SNRPN: variants seen among roughly 807,000 people sequenced by gnomAD.
The protein encoded by SNRPN is small nuclear ribonucleoprotein-associated protein N.
SNRPN carries 7 observed loss-of-function variants against 25.2 expected under a neutral mutation model. The observed-to-expected ratio is 0.28, with a 90% CI of 0.16 to 0.52. SNRPN has a LOEUF of 0.52. SNRPN is among the 20% of genes least tolerant of loss of function. SNRPN has a pLI of 0.96. For missense variants in SNRPN, 196 were observed against 322.5 expected, an observed-to-expected ratio of 0.61 and a Z score of 3.00; for synonymous variants, 124 against 110.6, an observed-to-expected ratio of 1.12 and a Z score of -0.76.
chr15:24,885,947 T>C (rs2057169698), intron 1 of SNRPN, among the ~76,000 whole-genome samples: 1 of 152,204 alleles, frequency 6.6e-6, no homozygotes, highest in South Asian at 2.1e-4. Context: ...AATGTCCTCA[T>C]GGATCCAGCA....
At chr15:24,954,968 C>T (rs182426295), upstream of SNRPN, 1,114 of 1,596,040 alleles carry the variant, frequency 7.0e-4, 4 homozygotes, top group African/African-American at 0.014. Flanking sequence ...AAGCCTGCCG[C>T]TGCTGCAGCG....
chr15:24,922,890 CTTTTT>C (rs71412618), intron 3 of SNRPN, among the ~76,000 whole-genome samples: 2 of 68,170 alleles, frequency 2.9e-5, no homozygotes, highest in African/African-American at 6.1e-5. Context: ...TAGGCAGATC[CTTTTT>C]TTTTTTTTTT....
chr15:24,976,035 A>G (rs2077021314), intron 5 of SNRPN, among the ~76,000 whole-genome samples: 1 of 152,226 alleles, frequency 6.6e-6, no homozygotes, highest in Non-Finnish European at 1.5e-5. Flanking sequence ...TGTTTTTCTT[A>G]AAAGGTATTT....
Position 24,974,444 on chromosome 15 carries a change from A to C in SNRPN, c.-10A>C, listed in dbSNP as rs368498622. 3.7e-6 allele frequency: 6 copies of C among 1,613,576 alleles called. No individual in the cohort carries two copies. The African/African-American group carries it at 8.0e-5, about 22-fold the overall frequency. On this transcript the variant is annotated 5_prime_UTR_variant, in exon 4 of 10. Coordinates refer to ENST00000390687, the MANE Select transcript of SNRPN (RefSeq NM_003097.6). ...TAACTGTGGACATTGGATTTGGTGG[A>C]ACAGCAATCATGGTAAGCTGTATGA... is the stretch of plus-strand genomic sequence containing the variant.
At chr15:24,890,350 C>T (rs926314356) in intron 2 of SNRPN, among the ~76,000 whole-genome samples, 1 of 152,020 alleles carries the variant, frequency 6.6e-6, no homozygotes, top group Non-Finnish European at 1.5e-5. Flanking sequence ...CCCTTTGTTC[C>T]CCAAAGCTAT....
intron 3 of SNRPN, among the ~76,000 whole-genome samples, chr15:24,971,437 T>G (rs943830884): frequency 6.6e-6 from 1 of 152,196 alleles, no homozygotes; most frequent in Non-Finnish European, 1.5e-5. Context: ...AAATTCCAAA[T>G]CTGTCTCTTA....
intron 2 of SNRPN, among the ~76,000 whole-genome samples, chr15:24,918,356 TTATA>T (rs1309406103): frequency 1.2e-5 from 1 of 85,914 alleles, no homozygotes; most frequent in African/African-American, 4.8e-5. Context: ...ATATATAACA[TTATA>T]TATATGTGTA....
At chr15:24,878,011 A>C (rs1446558877) in intron 1 of SNRPN, among the ~76,000 whole-genome samples, 1 of 152,196 alleles carries the variant, frequency 6.6e-6, no homozygotes, top group Non-Finnish European at 1.5e-5. Context: ...CGATTGTGTT[A>C]CCATGGACAA....
At chr15:24,917,473 T>A (rs1366199412) in intron 2 of SNRPN, among the ~76,000 whole-genome samples, 1 of 152,234 alleles carries the variant, frequency 6.6e-6, no homozygotes, top group East Asian at 1.9e-4. Flanking sequence ...AAACCAAGAT[T>A]ACTGCATAAG....
At chr15:24,842,037 C>T (rs534639911) in intron 2 of SNRPN, among the ~76,000 whole-genome samples, 2 of 152,260 alleles carry the variant, frequency 1.3e-5, no homozygotes, top group South Asian at 2.1e-4. Flanking sequence ...CCATTTACCA[C>T]CCATCCTTAT....
chr15:24,853,393 G>C (rs909327520), upstream of SNRPN, among the ~76,000 whole-genome samples: 1 of 150,202 alleles, frequency 6.7e-6, no homozygotes, highest in Non-Finnish European at 1.5e-5. Flanking sequence ...TTAGGAAGTT[G>C]TCTGATTTTT....
chr15:24,824,585 T>C (rs2049946658), intron 1 of SNRPN, among the ~76,000 whole-genome samples: 1 of 152,158 alleles, frequency 6.6e-6, no homozygotes. Context: ...TAGTATCATC[T>C]TGTAGAAAGG....
chr15:24,879,739 G>C (rs1177806626), intron 1 of SNRPN, among the ~76,000 whole-genome samples: 1 of 152,078 alleles, frequency 6.6e-6, no homozygotes, highest in Non-Finnish European at 1.5e-5. Flanking sequence ...ATATTTATTG[G>C]AACACAGCTA....
chr15:24,829,214 C>G (rs1353800207), intron 1 of SNRPN, among the ~76,000 whole-genome samples: 1 of 152,004 alleles, frequency 6.6e-6, no homozygotes, highest in Non-Finnish European at 1.5e-5. Context: ...TGTTAAAGGC[C>G]AATGGGGATT....
intron 2 of SNRPN, among the ~76,000 whole-genome samples, chr15:24,906,501 G>A (rs958722014): frequency 6.6e-6 from 1 of 152,170 alleles, no homozygotes; most frequent in Admixed American, 6.5e-5. Flanking sequence ...TGACCTAGTG[G>A]CAATAATCTG....
intron 1 of SNRPN, among the ~76,000 whole-genome samples, chr15:24,871,798 C>G (rs375890599): frequency 1.1e-4 from 15 of 142,250 alleles, no homozygotes; most frequent in African/African-American, 3.3e-4. Flanking sequence ...TCCGCCTCCC[C>G]GGTTCACACC....
intron 1 of SNRPN, among the ~76,000 whole-genome samples, chr15:24,866,855 A>G (rs550367576): frequency 2.6e-5 from 4 of 152,174 alleles, no homozygotes; most frequent in Non-Finnish European, 5.9e-5. Context: ...GTTGTCGCAA[A>G]TGACAGGATT....
At chr15:24,828,257 A>G (rs2050240177) in intron 1 of SNRPN, among the ~76,000 whole-genome samples, 1 of 152,130 alleles carries the variant, frequency 6.6e-6, no homozygotes, top group Admixed American at 6.5e-5. Flanking sequence ...ACATTTCTTA[A>G]TAAAACAGGC....
chr15:24,911,280 C>T (rs556900962), intron 2 of SNRPN, among the ~76,000 whole-genome samples: 5 of 152,252 alleles, frequency 3.3e-5, no homozygotes, highest in Non-Finnish European at 5.9e-5. Flanking sequence ...GGCCAACTGA[C>T]CGTTTCATAA....
Sources: allele counts gnomAD v4.1 joint callset (sites outside exome capture counted in the v4.1 genomes callset), GRCh38; gene constraint gnomAD v4.1.1; transcripts MANE v1.5; gene names NCBI Gene and HGNC (gene_info 2026-07-23, HGNC 2026-07-21).